The following RTN4RL1 variants were observed in gnomAD, a reference collection of about 807,000 sequenced individuals.
RTN4RL1 encodes reticulon-4 receptor-like 1.
RTN4RL1 carries 7 observed loss-of-function variants against 25.6 expected under a neutral mutation model. The observed-to-expected ratio is 0.27, with a 90% CI of 0.16 to 0.51. The LOEUF (loss-of-function observed/expected upper bound fraction) is 0.51. Among genes scored for constraint, RTN4RL1 ranks in the 20% least tolerant of loss-of-function variants. The probability of loss-of-function intolerance (pLI) is 0.97; values close to 1 mark genes in which losing one functional copy is unlikely to be tolerated. For synonymous variants in RTN4RL1, 297 were observed against 288.2 expected (o/e 1.03, Z -0.31); for missense variants, 500 against 615.6 (o/e 0.81, Z 1.99).
chr17:1,953,314 G>A (rs1915722770), intron 1 of RTN4RL1, among the ~76,000 whole-genome samples: 1 of 151,998 alleles, frequency 6.6e-6, no homozygotes, highest in Non-Finnish European at 1.5e-5. Context: ...GCTGAGGCGG[G>A]AAGATCACTT....
intron 1 of RTN4RL1, chr17:2,019,297 GC>G (rs2067169279): frequency 1.3e-5 from 2 of 152,350 alleles, no homozygotes; most frequent in Admixed American, 6.5e-5. Flanking sequence ...CTATTTTGCT[GC>G]CTCGGCCATC....
intron 1 of RTN4RL1, among the ~76,000 whole-genome samples, chr17:2,005,416 T>A (rs1286330575): frequency 6.6e-6 from 1 of 152,194 alleles, no homozygotes; most frequent in Non-Finnish European, 1.5e-5. Context: ...AAAAGGTAAT[T>A]CCCAGATTTC....
intron 1 of RTN4RL1, among the ~76,000 whole-genome samples, chr17:1,960,831 C>A (rs1283166029): frequency 6.6e-6 from 1 of 152,090 alleles, no homozygotes; most frequent in Non-Finnish European, 1.5e-5. Context: ...TTCACACTGA[C>A]GGTTCCCACG....
At chr17:1,985,594 C>G (rs769209778) in intron 1 of RTN4RL1, among the ~76,000 whole-genome samples, 4 of 152,202 alleles carry the variant, frequency 2.6e-5, no homozygotes, top group Non-Finnish European at 4.4e-5. Context: ...TGGGCTGGTT[C>G]TGTCACACAT....
At chr17:1,975,057 T>C (rs2066836975) in intron 1 of RTN4RL1, among the ~76,000 whole-genome samples, 1 of 152,180 alleles carries the variant, frequency 6.6e-6, no homozygotes, top group Middle Eastern at 3.2e-3. Context: ...TGTTGGCACC[T>C]GCGGCACCCC....
At chr17:2,021,273 G>A (rs140873691) in intron 1 of RTN4RL1, among the ~76,000 whole-genome samples, 36 of 152,230 alleles carry the variant, frequency 2.4e-4, no homozygotes, top group Middle Eastern at 3.4e-3. Context: ...GGTGTGCTCC[G>A]CCTTCCTCCT....
intron 1 of RTN4RL1, among the ~76,000 whole-genome samples, chr17:1,953,605 A>AC (rs1915729003): frequency 6.6e-6 from 1 of 152,078 alleles, no homozygotes; most frequent in African/African-American, 2.4e-5. Context: ...TCACTCTGTC[A>AC]CCAGGCTGGA....
At chr17:1,991,828 C>T (rs1412868922) in intron 1 of RTN4RL1, among the ~76,000 whole-genome samples, 2 of 152,218 alleles carry the variant, frequency 1.3e-5, no homozygotes, top group Non-Finnish European at 2.9e-5. Context: ...AACTTGCATG[C>T]TCCCACATGC....
chr17:1,986,728 G>A (rs771939157), intron 1 of RTN4RL1, among the ~76,000 whole-genome samples: 40 of 147,176 alleles, frequency 2.7e-4, no homozygotes, highest in Non-Finnish European at 5.0e-4. Context: ...TTAAACTAAC[G>A]AGTTTGTTGT....
Position 1,936,896 on chromosome 17 carries a change from G to A in RTN4RL1, c.926C>T (p.Ser309Phe), listed in dbSNP as rs1915318421. ...EDFRNCTGPASPHQIKSHTLT... is the reference protein window; with the variant it reads ...EDFRNCTGPAFPHQIKSHTLT... ...CGTGTGTGACTTGATCTGGTGCGGG[G>A]ACGCTGGTCCCGTGCAGTTCCGGAA... Residue 309 changes from serine to phenylalanine, a missense_variant, in exon 2 of 2, where the codon TCC (serine) becomes TTC (phenylalanine). Ser to Phe is a radical substitution (Grantham distance 155). Transcript: ENST00000331238. 2 of 1,607,090 alleles carry A rather than the reference G, an allele frequency of 1.2e-6. No homozygotes were observed. Among genetic ancestry groups the A allele is most frequent in the Non-Finnish European group, 1.7e-6 (2 of 1,177,122 alleles).
intron 1 of RTN4RL1, among the ~76,000 whole-genome samples, chr17:1,968,631 C>T (rs1309051896): frequency 2.0e-5 from 3 of 152,170 alleles, no homozygotes; most frequent in Non-Finnish European, 4.4e-5. Flanking sequence ...CATGTTCCCT[C>T]CCATCCCCGG....
chr17:2,015,837 C>T (rs1358963595), intron 1 of RTN4RL1, among the ~76,000 whole-genome samples: 1 of 152,190 alleles, frequency 6.6e-6, no homozygotes, highest in Non-Finnish European at 1.5e-5. Flanking sequence ...GGTGACAGAA[C>T]TCAAACCCCT....
At chr17:1,977,371 G>C (rs1384358190) in intron 1 of RTN4RL1, among the ~76,000 whole-genome samples, 1 of 152,130 alleles carries the variant, frequency 6.6e-6, no homozygotes, top group Non-Finnish European at 1.5e-5. Flanking sequence ...GGCCAGCAAC[G>C]GCGGTGGTGA....
At chr17:1,960,465 C>G (rs1209166015) in intron 1 of RTN4RL1, among the ~76,000 whole-genome samples, 1 of 152,246 alleles carries the variant, frequency 6.6e-6, no homozygotes, top group Non-Finnish European at 1.5e-5. Context: ...TCCTGCGCCA[C>G]TCTTCACAGC....
chr17:1,986,149 C>G (rs143238166), intron 1 of RTN4RL1, among the ~76,000 whole-genome samples: 1 of 152,036 alleles, frequency 6.6e-6, no homozygotes, highest in African/African-American at 2.4e-5. Context: ...GAAAACCAGG[C>G]GGGATCTGGG....
chr17:1,972,946 G>C (rs1367113491), intron 1 of RTN4RL1, among the ~76,000 whole-genome samples: 1 of 152,204 alleles, frequency 6.6e-6, no homozygotes, highest in Non-Finnish European at 1.5e-5. Flanking sequence ...ATGAAATGCA[G>C]AGTCCGACCC....
At chr17:1,974,443 G>C (rs62069182) in intron 1 of RTN4RL1, among the ~76,000 whole-genome samples, 28,041 of 152,234 alleles carry the variant, frequency 0.18, 3,104 homozygotes, top group Middle Eastern at 0.26. Flanking sequence ...AAAGCTTAGA[G>C]AGGTAAATGA....
chr17:1,988,403 CAAAAAA>C (rs398030159), intron 1 of RTN4RL1, among the ~76,000 whole-genome samples: 1 of 77,222 alleles, frequency 1.3e-5, no homozygotes, highest in Non-Finnish European at 2.4e-5. Flanking sequence ...GACTCCGCCT[CAAAAAA>C]AAAAAAAAAA....
chr17:1,971,830 C>T (rs899564908), intron 1 of RTN4RL1, among the ~76,000 whole-genome samples: 43 of 151,924 alleles, frequency 2.8e-4, no homozygotes, highest in Non-Finnish European at 5.2e-4. Flanking sequence ...GGTGTGGTGG[C>T]GGGCGCCTGT....
Sources: gnomAD v4.1 joint callset for allele counts (sites outside exome capture counted in the v4.1 genomes callset) on GRCh38, gnomAD v4.1.1 for gene constraint, MANE v1.5 for transcripts, NCBI Gene and HGNC (gene_info 2026-07-23, HGNC 2026-07-21) for gene names.